TMEM212: variants seen among roughly 807,000 people sequenced by gnomAD.
TMEM212 encodes the protein transmembrane protein 212.
In TMEM212, 23 loss-of-function variants were observed where a neutral mutation model predicts 20.5. The observed-to-expected ratio is 1.12, with a 90% CI of 0.81 to 1.59. TMEM212 has a LOEUF of 1.59. Ranked by LOEUF, TMEM212 falls within the 40% of genes most tolerant of loss-of-function variation. The pLI is 0.00. For missense variants in TMEM212, 211 were observed against 215.0 expected (o/e 0.98, Z 0.12); for synonymous variants, 76 against 81.6 (o/e 0.93, Z 0.37).
intron 1 of TMEM212, among the ~76,000 whole-genome samples, chr3:171,851,636 C>T (rs557774383): frequency 1.3e-5 from 2 of 152,166 alleles, no homozygotes; most frequent in African/African-American, 2.4e-5. Context: ...GAAAGGTGAA[C>T]GATAGACATT....
At chr3:171,846,117 T>C (rs866391870) in intron 1 of TMEM212, among the ~76,000 whole-genome samples, 2 of 152,152 alleles carry the variant, frequency 1.3e-5, no homozygotes, top group Admixed American at 1.3e-4. Flanking sequence ...TTCTCTCCCA[T>C]CACATTGGCT....
chr3:171,847,365 C>T (rs908044933), intron 1 of TMEM212, among the ~76,000 whole-genome samples: 3 of 152,208 alleles, frequency 2.0e-5, no homozygotes, highest in Non-Finnish European at 4.4e-5. Context: ...GGAGAAAGGT[C>T]ACGCTAGATT....
intron 2 of TMEM212, among the ~76,000 whole-genome samples, chr3:171,852,778 T>C (rs988928281): frequency 4.6e-5 from 7 of 152,222 alleles, no homozygotes; most frequent in African/African-American, 1.7e-4. Flanking sequence ...AATCCCATGA[T>C]ACAAAAAGAC....
rs146048016 is a variant in TMEM212 at position 171,846,422 on chromosome 3, A to G, written c.159+2880A>G. Among the ~76,000 whole-genome samples the G allele has an allele frequency of 3.3e-4, 50 of 152,290 alleles. No individual in the cohort carries two copies. The East Asian group carries it at 9.1e-3, about 28-fold the overall frequency. ...TATAATTTTTCAATTTATTGTTTGT[A>G]TATTCCCCTCTCCTCTAACAAATGT... On this transcript the variant is annotated intron_variant, in intron 1 of 4. Coordinates refer to ENST00000334567, the MANE Select transcript of TMEM212 (RefSeq NM_001164436.2).
At position 171,855,660 on chromosome 3, in the gene TMEM212, T is replaced by C. The variant is rs146736806; in HGVS notation, c.544-1003T>C. On this transcript the variant is annotated intron_variant, in intron 3 of 4. Transcript: ENST00000334567. ...GACACATAAAAGCATACAGATATAA[T>C]AGGCATGCAGAATAAAAGTGCCCAT... Among the ~76,000 whole-genome samples the C allele has an allele frequency of 1.9e-4, 29 of 152,264 alleles. No individual in the cohort carries two copies. The East Asian group carries it at 5.4e-3, about 28-fold the overall frequency.
At chr3:171,852,263 T>G (rs893686522) in intron 2 of TMEM212, among the ~76,000 whole-genome samples, 1 of 152,046 alleles carries the variant, frequency 6.6e-6, no homozygotes, top group Admixed American at 6.5e-5. Context: ...TGCAGTGGCA[T>G]GATCTCGGCT....
At chr3:171,852,223 C>T (rs192657809) in intron 2 of TMEM212, among the ~76,000 whole-genome samples, 182 bp downstream of exon 2, 8 of 150,638 alleles carry the variant, frequency 5.3e-5, no homozygotes, top group South Asian at 2.1e-4. Context: ...TTTTTTGAGA[C>T]GGAGTTTTAC....
At chr3:171,855,849 T>C (rs1439478336) in intron 3 of TMEM212, among the ~76,000 whole-genome samples, 1 of 152,182 alleles carries the variant, frequency 6.6e-6, no homozygotes, top group Non-Finnish European at 1.5e-5. Flanking sequence ...ATTTGGATTA[T>C]TAAAAGTTAA....
chr3:171,843,771 T>C (rs1724767649), intron 1 of TMEM212, among the ~76,000 whole-genome samples: 1 of 152,224 alleles, frequency 6.6e-6, no homozygotes, highest in African/African-American at 2.4e-5. Context: ...GTATTTTTAA[T>C]GACATGCTGC....
At chr3:171,849,239 A>G (rs1724912982) in intron 1 of TMEM212, among the ~76,000 whole-genome samples, 1 of 151,828 alleles carries the variant, frequency 6.6e-6, no homozygotes, top group South Asian at 2.1e-4. Context: ...TTCAGATCCT[A>G]TTTCTCCATG....
intron 1 of TMEM212, among the ~76,000 whole-genome samples, chr3:171,844,171 C>T (rs548597395): frequency 3.3e-5 from 5 of 152,226 alleles, no homozygotes; most frequent in African/African-American, 7.2e-5. Flanking sequence ...ACTCCGTGTG[C>T]GCTCATTGAA....
chr3:171,851,870 A>G (rs1358554402), intron 1 of TMEM212, 112 bp from the exon 2 acceptor site: 1 of 967,478 alleles, frequency 1.0e-6, no homozygotes, highest in African/African-American at 1.6e-5. Context: ...CCACTGAGTC[A>G]TTTTCTGTTC....
At position 171,853,763 on chromosome 3, in the gene TMEM212, C is replaced by G. The variant is rs1040670767; in HGVS notation, c.456C>G (p.Asp152Glu). The G allele has an allele frequency of 3.3e-6, 5 of 1,537,240 alleles. No homozygotes were observed. The African/African-American group carries it at 6.8e-5, about 21-fold the overall frequency. ...ACCACCTGACACTTCAAGCCCTAGA[C>G]CTGTGCCTAAGCTTTACCCTACTCT... is the stretch of plus-strand genomic sequence containing the variant. Reference protein sequence around the residue: ...EEYHLTLQALDLCLSFTLLCT... With the variant: ...EEYHLTLQALELCLSFTLLCT... The change falls in exon 3 of 5, where the codon GAC becomes GAG. Residue 152 changes from aspartate to glutamate, a missense_variant. By Grantham distance (45) the Asp-to-Glu change is conservative (BLOSUM62 2). Coordinates refer to ENST00000334567, the MANE Select transcript of TMEM212 (RefSeq NM_001164436.2).
Position 171,853,572 on chromosome 3 carries a change from C to T in TMEM212, c.265C>T (p.Pro89Ser). 3 of 1,537,130 alleles carry T rather than the reference C, an allele frequency of 2.0e-6. No individual in the cohort carries two copies. Among genetic ancestry groups the T allele is most frequent in the Non-Finnish European group, 2.6e-6 (3 of 1,146,834 alleles). The change falls in exon 3 of 5, where the codon CCA becomes TCA. Residue 89 changes from proline (P) to serine (S), a missense_variant. Coordinates refer to ENST00000334567, the MANE Select transcript of TMEM212 (RefSeq NM_001164436.2). Reference protein sequence around the residue: ...TFVILSIMGCPLHFAIALESA... With the variant: ...TFVILSIMGCSLHFAIALESA... ...TGTGATTCTGAGCATTATGGGATGT[C>T]CACTTCATTTTGCAATAGCCTTGGA... is the stretch of plus-strand genomic sequence containing the variant.
In TMEM212 at chr3:171,843,411, C is replaced by T. The variant is rs767053028; in HGVS notation, c.28C>T (p.Arg10Trp). The T allele has an allele frequency of 3.1e-5, 48 of 1,536,278 alleles. No individual in the cohort carries two copies. Among genetic ancestry groups the T allele is most frequent in the Non-Finnish European group, 3.6e-5 (41 of 1,146,516 alleles). Residue 10 changes from arginine (R) to tryptophan (W), a missense_variant, in exon 1 of 5, where the codon CGG (arginine) becomes TGG (tryptophan). By Grantham distance (101) the Arg-to-Trp change is moderately radical. Transcript: ENST00000334567. ...GAAGGGCCTCTACCAGGCTGCTGGC[C>T]GGATTCTTGTTACTCTGGGGATCCT... MKGLYQAAG[R>W]ILVTLGILSV...
Position 171,853,699 on chromosome 3 carries a change from T to C in TMEM212, c.392T>C (p.Phe131Ser). 6.5e-7 allele frequency: 1 copy of C among 1,537,472 alleles called. No homozygotes were observed. Among genetic ancestry groups the C allele is most frequent in the Admixed American group, 2.0e-5 (1 of 50,972 alleles). ...ACCTTTCCTTATCCATATGCAAAAT[T>C]CCCATTAGCCTGTGTGGACCCACCA... ...AVTFPYPYAK[F>S]PLACVDPPHY... Residue 131 changes from phenylalanine (F) to serine (S), a missense_variant, in exon 3 of 5, where the codon TTC becomes TCC. Transcript: ENST00000334567.
At chr3:171,856,839 A>C (rs2108383271) in intron 4 of TMEM212, 132 bp downstream of exon 4, 3 of 425,464 alleles carry the variant, frequency 7.1e-6, no homozygotes, top group Non-Finnish European at 1.3e-5. Context: ...TAAATGTCTT[A>C]TTAAAATGGG....
At chr3:171,850,101 C>G (rs1489651771) in intron 1 of TMEM212, among the ~76,000 whole-genome samples, 1 of 152,002 alleles carries the variant, frequency 6.6e-6, no homozygotes, top group African/African-American at 2.4e-5. Flanking sequence ...TCCTCCCTAT[C>G]TAAAAATATA....
chr3:171,852,168 C>G (rs1560326810), intron 2 of TMEM212, 127 bp downstream of exon 2: 1 of 711,300 alleles, frequency 1.4e-6, no homozygotes, highest in Non-Finnish European at 2.3e-6. Flanking sequence ...TGATGCCTTA[C>G]TACAATGGAT....
Sources: allele counts gnomAD v4.1 joint callset (sites outside exome capture counted in the v4.1 genomes callset), GRCh38; gene constraint gnomAD v4.1.1; transcripts MANE v1.5; gene names NCBI Gene and HGNC (gene_info 2026-07-23, HGNC 2026-07-21).